The following STARD3NL variants were observed in gnomAD, a reference collection of about 807,000 sequenced individuals.
The protein encoded by STARD3NL is STARD3 N-terminal like.
STARD3NL carries 17 observed loss-of-function variants against 30.9 expected under a neutral mutation model. The ratio of observed to expected loss-of-function variants is 0.55; its 90% CI spans 0.38 to 0.82. STARD3NL has a LOEUF of 0.82. Ranked by LOEUF, STARD3NL falls within the 40% of genes least tolerant of loss-of-function variation. The pLI, the probability that STARD3NL is intolerant of heterozygous loss-of-function variation, is 0.00. For missense variants in STARD3NL, 234 were observed against 277.6 expected, an observed-to-expected ratio of 0.84 and a Z score of 1.12; for synonymous variants, 112 against 100.5, an observed-to-expected ratio of 1.11 and a Z score of -0.69.
chr7:38,191,809 G>C (rs781339914), intron 1 of STARD3NL, among the ~76,000 whole-genome samples: 14 of 151,964 alleles, frequency 9.2e-5, no homozygotes, highest in Admixed American at 7.9e-4. Context: ...CTTTAAGCTA[G>C]GTAATGTGTC....
In STARD3NL at chr7:38,227,778, A is replaced by G. The variant is rs149399603; in HGVS notation, c.650-1021A>G. ...CTTCAAATTATTTGGTAACATCAGT[A>G]TTGACAGTTTAGTTTCCTTCTTGGG... On this transcript the variant is annotated intron_variant, in intron 7 of 8. Transcript: ENST00000009041. Among the ~76,000 whole-genome samples, 57 of 152,180 alleles carry G rather than the reference A, an allele frequency of 3.7e-4. No homozygotes were observed. The East Asian group carries it at 6.6e-3, about 18-fold the overall frequency.
At chr7:38,211,951 C>CCTTTTCCACTGTTTCCCTT (rs898834711) in intron 2 of STARD3NL, among the ~76,000 whole-genome samples, 14 of 152,120 alleles carry the variant, frequency 9.2e-5, no homozygotes, top group African/African-American at 2.9e-4. Flanking sequence ...CACTGTTTCT[C>CCTTTTCCACTGTTTCCCTT]CTTTTCCACT....
chr7:38,197,914 T>C (rs974376499), intron 1 of STARD3NL, among the ~76,000 whole-genome samples: 25 of 152,204 alleles, frequency 1.6e-4, no homozygotes, highest in African/African-American at 6.0e-4. Flanking sequence ...AGGTGAGGGC[T>C]CTAAACAGGA....
At chr7:38,196,762 C>T (rs1270009933) in intron 1 of STARD3NL, among the ~76,000 whole-genome samples, 2 of 152,060 alleles carry the variant, frequency 1.3e-5, no homozygotes, top group African/African-American at 4.8e-5. Flanking sequence ...TATATAGTAG[C>T]TTTCTATTGC....
chr7:38,197,646 G>T (rs1784986086), intron 1 of STARD3NL, among the ~76,000 whole-genome samples: 1 of 152,190 alleles, frequency 6.6e-6, no homozygotes, highest in Non-Finnish European at 1.5e-5. Flanking sequence ...TGACATATCA[G>T]TTTTCCAGGT....
chr7:38,199,606 A>G (rs898838641), intron 1 of STARD3NL, among the ~76,000 whole-genome samples: 9 of 152,278 alleles, frequency 5.9e-5, no homozygotes, highest in Middle Eastern at 3.4e-3. Context: ...CTTGGGGGAA[A>G]TGCATCTGAC....
At chr7:38,228,962 G>A (rs111786320) in intron 8 of STARD3NL, 91 bp downstream of exon 8, 5 of 865,164 alleles carry the variant, frequency 5.8e-6, no homozygotes, top group African/African-American at 5.0e-5. Flanking sequence ...AAGAATAAGA[G>A]TGTAAGGATA....
At chr7:38,207,771 C>G (rs1171175276) in intron 2 of STARD3NL, 42 bp downstream of exon 2, 1 of 1,564,914 alleles carries the variant, frequency 6.4e-7, no homozygotes, top group Admixed American at 1.7e-5. Context: ...GAAGTGTTTC[C>G]AGAGACAACA....
At position 38,210,989 on chromosome 7, in the gene STARD3NL, TG is replaced by T. The variant is rs1170007347; in HGVS notation, c.225+3263del. 2.0e-5 allele frequency among the ~76,000 whole-genome samples: 3 copies of T among 152,176 alleles called. No homozygotes were observed. The East Asian group carries it at 5.8e-4, about 29-fold the overall frequency. The stretch of plus-strand genomic sequence containing the variant: ...ACTAATACTGGTCTTGCCTTCCTCA[TG>T]GGTCCATGTGAAGATCAAATGGAAA... On this transcript the variant is annotated intron_variant, in intron 2 of 8. Transcript: ENST00000009041.
At chr7:38,192,839 A>T (rs781431924) in intron 1 of STARD3NL, among the ~76,000 whole-genome samples, 1 of 151,986 alleles carries the variant, frequency 6.6e-6, no homozygotes, top group African/African-American at 2.4e-5. Context: ...CTTTCCACAC[A>T]TATAGCCCCT....
chr7:38,205,629 AAATAT>A (rs59231479), intron 1 of STARD3NL, among the ~76,000 whole-genome samples: 11,259 of 144,564 alleles, frequency 0.078, 1,349 homozygotes, highest in African/African-American at 0.27. Flanking sequence ...ATTTTTATTG[AAATAT>A]AATATACACT....
rs77828303 is a variant in STARD3NL, at chr7:38,190,598, C to T, written c.-59+12178C>T. On this transcript the variant is annotated intron_variant, in intron 1 of 8. Coordinates refer to ENST00000009041, the MANE Select transcript of STARD3NL (RefSeq NM_032016.4). ...TGACACTTATCCTTCAGTACTTCAG[C>T]GTGCATCTCCTAAGAATAAGGGCAC... 3.6e-3 allele frequency among the ~76,000 whole-genome samples: 542 copies of T among 152,266 alleles called. 3 individuals carry two copies. Among genetic ancestry groups the T allele is most frequent in the African/African-American group, 0.012 (511 of 41,554 alleles).
rs372562650 is a variant in STARD3NL at position 38,207,498 on chromosome 7, C to T, written c.-7C>T. ...TTGGAAAAAGGCTCCTGTAACCCTCCTCCAGGATGAACCACCTGCCAGAAG... is the reference window on the plus strand; with the variant it reads ...TTGGAAAAAGGCTCCTGTAACCCTCTTCCAGGATGAACCACCTGCCAGAAG... On this transcript the variant is annotated 5_prime_UTR_variant, in exon 2 of 9. Transcript: ENST00000009041. 39 of 1,613,348 alleles carry T rather than the reference C, an allele frequency of 2.4e-5. No homozygotes were observed. Among genetic ancestry groups the T allele is most frequent in the Non-Finnish European group, 3.2e-5 (38 of 1,179,602 alleles).
At chr7:38,203,809 A>C (rs1785304870) in intron 1 of STARD3NL, among the ~76,000 whole-genome samples, 1 of 152,346 alleles carries the variant, frequency 6.6e-6, no homozygotes. Context: ...GGAAAACAAA[A>C]AAAGGCAGGG....
intron 1 of STARD3NL, among the ~76,000 whole-genome samples, chr7:38,199,178 G>T (rs1241807689): frequency 6.6e-6 from 1 of 152,178 alleles, no homozygotes; most frequent in Non-Finnish European, 1.5e-5. Context: ...CTGAATTGCA[G>T]ATTTAGCTTC....
chr7:38,217,819 T>G (rs1343574428), intron 6 of STARD3NL, among the ~76,000 whole-genome samples: 1 of 152,142 alleles, frequency 6.6e-6, no homozygotes, highest in African/African-American at 2.4e-5. Flanking sequence ...GTTAGAACAG[T>G]TAAATGCCTA....
At chr7:38,187,388 G>T (rs1418735039) in intron 1 of STARD3NL, among the ~76,000 whole-genome samples, 1 of 152,118 alleles carries the variant, frequency 6.6e-6, no homozygotes, top group Non-Finnish European at 1.5e-5. Flanking sequence ...ATATATACTT[G>T]ATTTTTTTCC....
chr7:38,225,434 G>C (rs10260904), intron 7 of STARD3NL, among the ~76,000 whole-genome samples: 99,582 of 151,946 alleles, frequency 0.66, 33,028 homozygotes, highest in Admixed American at 0.74. Flanking sequence ...AAGATTTTCT[G>C]CTACATTTTC....
intron 1 of STARD3NL, among the ~76,000 whole-genome samples, chr7:38,197,140 C>CTT (rs1554295460): frequency 3.0e-4 from 36 of 120,784 alleles, no homozygotes; most frequent in Non-Finnish European, 5.0e-4. Context: ...TACCTTTTTT[C>CTT]TTTCTTTCTT....
Sources: gnomAD v4.1 joint callset for allele counts (sites outside exome capture counted in the v4.1 genomes callset) on GRCh38, gnomAD v4.1.1 for gene constraint, MANE v1.5 for transcripts, NCBI Gene and HGNC (gene_info 2026-07-23, HGNC 2026-07-21) for gene names.